Variants in PCDHAC1 observed in about 807,000 individuals in gnomAD.
PCDHAC1 encodes the protein protocadherin alpha subfamily C, 1.
In PCDHAC1, 42 loss-of-function variants were observed where a neutral mutation model predicts 60.0. The observed-to-expected ratio is 0.70, with a 90% CI of 0.55 to 0.90. PCDHAC1 has a LOEUF of 0.90. Ranked by LOEUF, PCDHAC1 falls within the 40% of genes least tolerant of loss-of-function variation. The pLI is 0.00. For synonymous variants in PCDHAC1, 468 were observed against 499.3 expected (o/e 0.94, Z 0.84); for missense variants, 1,160 against 1,222.3 (o/e 0.95, Z 0.76).
chr5:140,993,943 A>C (rs1055382423), intron 3 of PCDHAC1, among the ~76,000 whole-genome samples: 1 of 152,220 alleles, frequency 6.6e-6, no homozygotes, highest in Admixed American at 6.5e-5. Flanking sequence ...CCCCATTGTT[A>C]AGTGATACAT....
intron 3 of PCDHAC1, among the ~76,000 whole-genome samples, chr5:140,986,828 G>A (rs1001117075): frequency 3.9e-5 from 6 of 152,146 alleles, no homozygotes; most frequent in Non-Finnish European, 5.9e-5. Flanking sequence ...TTTAGACAAT[G>A]GTTCTCAAAG....
intron 1 of PCDHAC1, among the ~76,000 whole-genome samples, chr5:140,950,612 T>A (rs2094502401): frequency 6.6e-6 from 1 of 152,072 alleles, no homozygotes; most frequent in Non-Finnish European, 1.5e-5. Flanking sequence ...ATGATGTGCT[T>A]ATTTATGCTT....
At chr5:141,003,122 C>A (rs782642950) in intron 3 of PCDHAC1, among the ~76,000 whole-genome samples, 57 of 152,318 alleles carry the variant, frequency 3.7e-4, no homozygotes, top group African/African-American at 9.6e-4. Context: ...TGGCCCTTTC[C>A]TGGCATTTGC....
rs1554231844 is a variant in PCDHAC1, at chr5:140,969,454, A to G, written c.2434-9495A>G. On this transcript the variant is annotated intron_variant, in intron 1 of 3. Coordinates refer to ENST00000253807, the MANE Select transcript of PCDHAC1 (RefSeq NM_018898.5). ...AAGAGTTATCTGGTAAACTGAGTAT[A>G]TATAGTATCCACAATTTGATCATAA... 7.9e-6 allele frequency: 12 copies of G among 1,511,706 alleles called. No individual in the cohort carries two copies. The South Asian group carries it at 9.0e-5, about 11-fold the overall frequency. The allele number at this position is 1,511,706 out of a possible 1,614,324, so 93.6% of individuals were successfully genotyped here.
chr5:140,963,600 G>T (rs111244023), intron 1 of PCDHAC1, among the ~76,000 whole-genome samples: 1 of 152,180 alleles, frequency 6.6e-6, no homozygotes, highest in Non-Finnish European at 1.5e-5. Context: ...AGTTCTAGAC[G>T]TAATTGGGAA....
intron 1 of PCDHAC1, among the ~76,000 whole-genome samples, chr5:140,953,945 C>T (rs189219030): frequency 8.5e-5 from 13 of 152,154 alleles, no homozygotes; most frequent in African/African-American, 3.1e-4. Flanking sequence ...TCCCATTGCT[C>T]CCCCAACAGG....
intron 2 of PCDHAC1, among the ~76,000 whole-genome samples, chr5:140,979,550 T>C (rs1201791524): frequency 5.3e-5 from 8 of 152,238 alleles, no homozygotes; most frequent in Non-Finnish European, 7.3e-5. Flanking sequence ...ACATGGTTCT[T>C]CAGAAGATGA....
chr5:140,929,722 T>G (rs558208996), intron 1 of PCDHAC1: 1 of 221,696 alleles, frequency 4.5e-6, no homozygotes, highest in Non-Finnish European at 9.4e-6. Flanking sequence ...AGGTGAAACA[T>G]TTACTTAAAC....
intron 1 of PCDHAC1, among the ~76,000 whole-genome samples, chr5:140,960,605 A>G (rs1405858302): frequency 6.6e-6 from 1 of 152,184 alleles, no homozygotes; most frequent in Non-Finnish European, 1.5e-5. Flanking sequence ...TACTTCAACA[A>G]TATCTAGTGT....
chr5:140,992,460 G>T (rs1554252924), intron 3 of PCDHAC1, among the ~76,000 whole-genome samples: 1 of 152,170 alleles, frequency 6.6e-6, no homozygotes, highest in African/African-American at 2.4e-5. Context: ...GCAGAGGACA[G>T]TACTCTTTAG....
At chr5:140,953,565 C>A (rs1433649283) in intron 1 of PCDHAC1, among the ~76,000 whole-genome samples, 2 of 151,370 alleles carry the variant, frequency 1.3e-5, no homozygotes, top group African/African-American at 2.5e-5. Context: ...AGTTTTAGTG[C>A]CCTCCTCTCC....
At chr5:140,959,676 A>G (rs2095505288) in intron 1 of PCDHAC1, among the ~76,000 whole-genome samples, 1 of 152,246 alleles carries the variant, frequency 6.6e-6, no homozygotes, top group Non-Finnish European at 1.5e-5. Flanking sequence ...AATCATTTCT[A>G]AATAATTTCA....
intron 3 of PCDHAC1, among the ~76,000 whole-genome samples, chr5:140,990,966 A>G (rs2097424130): frequency 6.6e-6 from 1 of 152,214 alleles, no homozygotes; most frequent in Non-Finnish European, 1.5e-5. Context: ...GTCTCTTAGA[A>G]CAAGAGAAAG....
At chr5:140,942,705 T>TA (rs1220612434) in intron 1 of PCDHAC1, among the ~76,000 whole-genome samples, 1 of 152,100 alleles carries the variant, frequency 6.6e-6, no homozygotes, top group Non-Finnish European at 1.5e-5. Flanking sequence ...AAATATGAAG[T>TA]AAAAGTATGA....
intron 1 of PCDHAC1, among the ~76,000 whole-genome samples, chr5:140,940,470 A>G (rs182796886): frequency 4.7e-5 from 7 of 149,652 alleles, no homozygotes; most frequent in African/African-American, 9.8e-5. Flanking sequence ...GTTCCCTGCA[A>G]TTTTTTTTTT....
chr5:140,988,675 A>C (rs574653772), intron 3 of PCDHAC1, among the ~76,000 whole-genome samples: 1 of 152,228 alleles, frequency 6.6e-6, no homozygotes, highest in East Asian at 1.9e-4. Context: ...ACTCTAAGAT[A>C]ATTCTTTCCC....
chr5:140,956,775 C>T (rs1176979643), intron 1 of PCDHAC1, among the ~76,000 whole-genome samples: 1 of 152,112 alleles, frequency 6.6e-6, no homozygotes, highest in Non-Finnish European at 1.5e-5. Context: ...CTGTCTGGTC[C>T]TGGGCTTTGT....
At chr5:140,955,407 C>T (rs1453424058) in intron 1 of PCDHAC1, among the ~76,000 whole-genome samples, 1 of 152,098 alleles carries the variant, frequency 6.6e-6, no homozygotes, top group African/African-American at 2.4e-5. Flanking sequence ...ATACAGTTCT[C>T]ATGATAGTGA....
At chr5:140,983,583 CT>C (rs2153831802) in intron 3 of PCDHAC1, among the ~76,000 whole-genome samples, 1 of 152,306 alleles carries the variant, frequency 6.6e-6, no homozygotes, top group African/African-American at 2.4e-5. Context: ...TTTATTACAT[CT>C]ATTCTACATA....
Sources: gnomAD v4.1 joint callset for allele counts (sites outside exome capture counted in the v4.1 genomes callset) on GRCh38, gnomAD v4.1.1 for gene constraint, MANE v1.5 for transcripts, NCBI Gene and HGNC (gene_info 2026-07-23, HGNC 2026-07-21) for gene names.